STAU1: variants seen among roughly 807,000 people sequenced by gnomAD.
STAU1 encodes the protein double-stranded RNA-binding protein Staufen homolog 1.
In STAU1, 13 loss-of-function variants were observed where a neutral mutation model predicts 62.9. That is an observed-to-expected ratio of 0.21 (90% CI 0.13 to 0.33). STAU1 has a LOEUF of 0.33. Among genes scored for constraint, STAU1 ranks in the 10% least tolerant of loss-of-function variants. The pLI, the probability that STAU1 is intolerant of heterozygous loss-of-function variation, is 1.00. For missense variants in STAU1, 571 were observed against 712.1 expected (o/e 0.80, Z 2.25); for synonymous variants, 269 against 265.1 (o/e 1.01, Z -0.14).
intron 1 of STAU1, among the ~76,000 whole-genome samples, chr20:49,180,113 C>T (rs1035338785): frequency 6.6e-6 from 1 of 152,140 alleles, no homozygotes; most frequent in Non-Finnish European, 1.5e-5. Context: ...GGAAGCAGTT[C>T]AATTCCAAAC....
chr20:49,217,388 G>C, the STAU1 span, among the ~76,000 whole-genome samples: 1 of 151,958 alleles, frequency 6.6e-6, no homozygotes, highest in African/African-American at 2.4e-5. Context: ...GTATAGAAGG[G>C]TTAGTTTGAA....
the STAU1 span, among the ~76,000 whole-genome samples, chr20:49,207,030 A>G: frequency 6.6e-6 from 1 of 152,030 alleles, no homozygotes; most frequent in African/African-American, 2.4e-5. Flanking sequence ...CTGGGATTAC[A>G]GGCGTCAGCC....
At chr20:49,178,010 T>C (rs918202882) in intron 1 of STAU1, among the ~76,000 whole-genome samples, 14 of 150,992 alleles carry the variant, frequency 9.3e-5, no homozygotes, top group Admixed American at 5.3e-4. Flanking sequence ...AGACCCCATC[T>C]CTCCAAAAAG....
chr20:49,209,253 G>T, the STAU1 span, among the ~76,000 whole-genome samples: 3 of 127,002 alleles, frequency 2.4e-5, no homozygotes, highest in African/African-American at 6.9e-5. Flanking sequence ...TATCTAAAAA[G>T]AAAAAAAAAA....
At chr20:49,219,287 A>T in the STAU1 span, 1 of 1,473,648 alleles carries the variant, frequency 6.8e-7, no homozygotes, top group Non-Finnish European at 9.1e-7. Context: ...CACGCCCCAT[A>T]TTGCCGCATG....
At chr20:49,135,697 T>A in intron 6 of STAU1, 136 bp downstream of exon 6, 2 of 697,066 alleles carry the variant, frequency 2.9e-6, no homozygotes, top group South Asian at 3.9e-5. Flanking sequence ...TCACTAAATA[T>A]AAAGTATGAA....
chr20:49,168,416 T>C (rs1283761450), intron 2 of STAU1, among the ~76,000 whole-genome samples: 3 of 152,092 alleles, frequency 2.0e-5, no homozygotes, highest in African/African-American at 7.2e-5. Context: ...TTCTAGAAGC[T>C]GAGAAAGGAA....
In STAU1 at chr20:49,120,097, G is replaced by A. The variant is rs764681514; in HGVS notation, c.998C>T (p.Thr333Met). 16 of 1,613,972 alleles carry A rather than the reference G, an allele frequency of 9.9e-6. No homozygotes were observed. The African/African-American group carries it at 1.2e-4, about 12-fold the overall frequency. Residue 333 changes from threonine (T) to methionine (M), a missense_variant, in exon 9 of 14, where the codon ACG becomes ATG. By Grantham distance (81) the Thr-to-Met change is moderately conservative. Around this residue, in one of 3 missense-constraint regions of STAU1, gnomAD observed 414 missense variants for 499.6 expected, o/e 0.83. Transcript: ENST00000371856. ...VKVGNHTAEG[T>M]GTNKKVAKRN... Reference sequence around the variant, plus strand: ...CTTGGCCACCTTCTTGTTGGTGCCCGTTCCTTCTGCAGTGTGGTTTCCAAC... The same window carrying A: ...CTTGGCCACCTTCTTGTTGGTGCCCATTCCTTCTGCAGTGTGGTTTCCAAC...
rs1345030067 is a variant in STAU1 at position 49,158,229 on chromosome 20, C to A, written c.206-4158G>T. Among the ~76,000 whole-genome samples the A allele has an allele frequency of 2.6e-5, 4 of 152,122 alleles. No homozygotes were observed. In the South Asian group the frequency reaches 8.3e-4, roughly 32 times the overall value. The stretch of plus-strand genomic sequence containing the variant: ...CCCGGGAGGTTGCGGTTGCAGTGAG[C>A]CGAGAACACGCTATGGCACTCCAGC... On this transcript the variant is annotated intron_variant, in intron 3 of 13. Coordinates refer to ENST00000371856, the MANE Select transcript of STAU1 (RefSeq NM_017453.4).
At chr20:49,209,395 C>T in the STAU1 span, among the ~76,000 whole-genome samples, 1 of 138,226 alleles carries the variant, frequency 7.2e-6, no homozygotes, top group South Asian at 2.3e-4. Flanking sequence ...ACCACCTGAT[C>T]AATAAATTGG....
intron 1 of STAU1, among the ~76,000 whole-genome samples, chr20:49,187,036 G>A (rs1180640383): frequency 6.6e-6 from 1 of 151,982 alleles, no homozygotes; most frequent in African/African-American, 2.4e-5. Context: ...CAAAGCTTCC[G>A]TGAAAAAAAA....
intron 9 of STAU1, among the ~76,000 whole-genome samples, chr20:49,118,898 CCTTT>C (rs752024899): frequency 1.4e-4 from 21 of 152,212 alleles, no homozygotes; most frequent in Non-Finnish European, 3.1e-4. Context: ...CACAACATCA[CCTTT>C]CTAAGAAGTA....
intron 10 of STAU1, 82 bp from the exon 11 acceptor site, chr20:49,118,178 C>A: frequency 2.7e-6 from 4 of 1,464,600 alleles, no homozygotes; most frequent in Non-Finnish European, 2.8e-6. Context: ...CCCACGCTGG[C>A]CCTCCCCTTG....
At chr20:49,173,730 ACTC>A (rs1234035246) in intron 2 of STAU1, among the ~76,000 whole-genome samples, 2 of 151,862 alleles carry the variant, frequency 1.3e-5, no homozygotes, top group Non-Finnish European at 2.9e-5. Flanking sequence ...CTCTTAGAAA[ACTC>A]CTTTTTTATC....
intron 2 of STAU1, among the ~76,000 whole-genome samples, chr20:49,168,448 G>C (rs1005909386): frequency 3.3e-5 from 5 of 151,872 alleles, no homozygotes; most frequent in African/African-American, 1.2e-4. Flanking sequence ...AATTAAGACT[G>C]CCTCAAAAAT....
intron 12 of STAU1, among the ~76,000 whole-genome samples, chr20:49,116,667 C>T (rs1254780951): frequency 6.6e-6 from 1 of 152,200 alleles, no homozygotes; most frequent in East Asian, 1.9e-4. Context: ...TGCATGACAT[C>T]CCATCAAGTG....
chr20:49,203,940 T>A, the STAU1 span, among the ~76,000 whole-genome samples: 1 of 152,168 alleles, frequency 6.6e-6, no homozygotes, highest in East Asian at 1.9e-4. Flanking sequence ...CGCCTTGGCC[T>A]CCCAAGTGCT....
intron 6 of STAU1, among the ~76,000 whole-genome samples, chr20:49,127,119 C>G (rs1443671321): frequency 2.6e-5 from 4 of 152,020 alleles, no homozygotes; most frequent in Non-Finnish European, 5.9e-5. Flanking sequence ...CTTTGGGAGG[C>G]CGAGGTGGGC....
chr20:49,187,372 C>G (rs2093800843), intron 1 of STAU1, among the ~76,000 whole-genome samples: 1 of 152,174 alleles, frequency 6.6e-6, no homozygotes, highest in South Asian at 2.1e-4. Context: ...ATGTTAACAA[C>G]TGAAAACAAT....
Sources: allele counts gnomAD v4.1 joint callset (sites outside exome capture counted in the v4.1 genomes callset), GRCh38; gene constraint gnomAD v4.1.1; regional missense constraint gnomAD v4.1.1; transcripts MANE v1.5; gene names NCBI Gene and HGNC (gene_info 2026-07-23, HGNC 2026-07-21).